Variants in GALNT14 observed in about 807,000 individuals in gnomAD.
GALNT14 encodes polypeptide N-acetylgalactosaminyltransferase 14.
Under a neutral mutation model 77.5 loss-of-function variants are expected in GALNT14, and 60 were observed. The observed-to-expected ratio is 0.77, with a 90% confidence interval of 0.63 to 0.96. The LOEUF is 0.96. GALNT14 is among the 40% of genes least tolerant of loss of function. GALNT14 has a pLI of 0.00. For synonymous variants in GALNT14, 280 were observed against 281.7 expected, an observed-to-expected ratio of 0.99 and a Z score of 0.06; for missense variants, 710 against 731.0, an observed-to-expected ratio of 0.97 and a Z score of 0.33.
chr2:30,889,200 T>C, the GALNT14 span, among the ~76,000 whole-genome samples: 1 of 152,010 alleles, frequency 6.6e-6, no homozygotes, highest in Admixed American at 6.6e-5. Context: ...GCGAGAAAAA[T>C]AGAGCTGTCT....
At chr2:30,931,017 C>T (rs1665695175) in intron 10 of GALNT14, among the ~76,000 whole-genome samples, 1 of 152,230 alleles carries the variant, frequency 6.6e-6, no homozygotes, top group Non-Finnish European at 1.5e-5. Flanking sequence ...CCTGCAGAGC[C>T]ACCACTTCCC....
intron 1 of GALNT14, among the ~76,000 whole-genome samples, chr2:31,107,006 C>G (rs1240414474): frequency 6.6e-6 from 1 of 152,174 alleles, no homozygotes; most frequent in Non-Finnish European, 1.5e-5. Context: ...GTACCTTGAT[C>G]TGAATAGTGG....
chr2:30,974,039 C>T (rs1668505149), intron 2 of GALNT14, among the ~76,000 whole-genome samples: 1 of 152,150 alleles, frequency 6.6e-6, no homozygotes, highest in Non-Finnish European at 1.5e-5. Flanking sequence ...CTCCTTTAAC[C>T]TCTAACACTA....
At chr2:30,950,523 A>G (rs1450420243) in intron 6 of GALNT14, among the ~76,000 whole-genome samples, 1 of 152,202 alleles carries the variant, frequency 6.6e-6, no homozygotes, top group East Asian at 1.9e-4. Context: ...AGACACATAC[A>G]AAGACACCAG....
At chr2:30,932,919 T>C (rs2148255570) in intron 9 of GALNT14, among the ~76,000 whole-genome samples, 1 of 152,294 alleles carries the variant, frequency 6.6e-6, no homozygotes, top group East Asian at 1.9e-4. Context: ...TGGTGTCCCC[T>C]AGGTTTGTAC....
At chr2:30,926,996 C>T (rs1025492427) in intron 11 of GALNT14, among the ~76,000 whole-genome samples, 1 of 152,020 alleles carries the variant, frequency 6.6e-6, no homozygotes, top group Non-Finnish European at 1.5e-5. Context: ...TTCTTTCCTC[C>T]CCTTCCTATT....
chr2:31,077,870 A>C (rs934987423), intron 1 of GALNT14, among the ~76,000 whole-genome samples: 7 of 152,220 alleles, frequency 4.6e-5, no homozygotes, highest in African/African-American at 1.7e-4. Flanking sequence ...TTAAAAGGCT[A>C]TTATGGGTTG....
chr2:30,926,648 A>G (rs1665401176), intron 11 of GALNT14, among the ~76,000 whole-genome samples: 1 of 152,046 alleles, frequency 6.6e-6, no homozygotes, highest in Admixed American at 6.5e-5. Context: ...GGAAGAGGAA[A>G]CAGCCTGCAA....
chr2:31,065,295 A>C (rs1278700615), intron 1 of GALNT14: 1 of 151,964 alleles, frequency 6.6e-6, no homozygotes, highest in South Asian at 2.1e-4. Flanking sequence ...TGCTCTACTG[A>C]GGGCTGAGAT....
chr2:30,963,529 C>T (rs1284583882), intron 3 of GALNT14, among the ~76,000 whole-genome samples: 2 of 152,168 alleles, frequency 1.3e-5, no homozygotes, highest in Admixed American at 6.5e-5. Context: ...AAGGTACCCT[C>T]GAGGACATAA....
chr2:31,046,278 G>A (rs1332855884), intron 1 of GALNT14, among the ~76,000 whole-genome samples: 1 of 148,382 alleles, frequency 6.7e-6, no homozygotes, highest in Non-Finnish European at 1.5e-5. Context: ...CCAGGCTGGA[G>A]TGCAGCGGCA....
chr2:30,903,528 G>A, the GALNT14 span, among the ~76,000 whole-genome samples: 2 of 152,236 alleles, frequency 1.3e-5, no homozygotes, highest in African/African-American at 4.8e-5. Flanking sequence ...CCACATGGCA[G>A]GGGACTGAGG....
At chr2:30,925,612 G>C (rs1478974182) in intron 11 of GALNT14, among the ~76,000 whole-genome samples, 2 of 152,242 alleles carry the variant, frequency 1.3e-5, no homozygotes, top group Non-Finnish European at 2.9e-5. Context: ...TCTGCGGGCA[G>C]GAAGAGTGCT....
the GALNT14 span, among the ~76,000 whole-genome samples, chr2:30,888,560 C>G: frequency 2.0e-5 from 3 of 152,018 alleles, no homozygotes; most frequent in Non-Finnish European, 4.4e-5. Context: ...TCTCACTGGT[C>G]GCTGGGAAGG....
chr2:31,059,135 T>C (rs987350277), intron 1 of GALNT14, among the ~76,000 whole-genome samples: 1 of 152,154 alleles, frequency 6.6e-6, no homozygotes, highest in Non-Finnish European at 1.5e-5. Context: ...AGTTGGAGGG[T>C]TGAAAAGCTG....
At chr2:30,957,567 C>T (rs1667441054) in intron 4 of GALNT14, among the ~76,000 whole-genome samples, 1 of 152,168 alleles carries the variant, frequency 6.6e-6, no homozygotes, top group African/African-American at 2.4e-5. Context: ...TACTCTAGGC[C>T]TCATGTACAG....
At position 31,092,093 on chromosome 2, in the gene GALNT14, G is replaced by T. The variant is rs541972970; in HGVS notation, c.129+45865C>A. Among the ~76,000 whole-genome samples, 5 of 152,154 alleles carry T rather than the reference G, an allele frequency of 3.3e-5. No individual in the cohort carries two copies. The South Asian group carries it at 6.2e-4, about 19-fold the overall frequency. On this transcript the variant is annotated intron_variant, in intron 1 of 14. Transcript: ENST00000349752. ...ACTCTTGGACTTACACCAGTGGTTC[G>T]CCTGGAGCTCTCAGGACTTTGGCCA...
chr2:30,996,357 A>T (rs373895434), intron 1 of GALNT14, among the ~76,000 whole-genome samples: 209 of 152,374 alleles, frequency 1.4e-3, no homozygotes, highest in African/African-American at 4.3e-3. Flanking sequence ...GGTCATGGAG[A>T]AAACGTCTCT....
the GALNT14 span, among the ~76,000 whole-genome samples, chr2:30,901,541 T>G: frequency 3.3e-5 from 5 of 151,526 alleles, no homozygotes; most frequent in African/African-American, 7.3e-5. Context: ...CTTTAATACA[T>G]ATATATGAGT....
Sources: gnomAD v4.1 joint callset for allele counts (sites outside exome capture counted in the v4.1 genomes callset) on GRCh38, gnomAD v4.1.1 for gene constraint, MANE v1.5 for transcripts, NCBI Gene and HGNC (gene_info 2026-07-23, HGNC 2026-07-21) for gene names.